Variants in DSCAM observed in about 807,000 individuals in gnomAD.
The protein encoded by DSCAM is cell adhesion molecule DSCAM.
In DSCAM, 47 loss-of-function variants were observed where a neutral mutation model predicts 217.7. The ratio of observed to expected loss-of-function variants is 0.22; its 90% CI spans 0.17 to 0.28. The LOEUF (loss-of-function observed/expected upper bound fraction) is 0.28, where lower values mean the gene tolerates loss of function less well. Ranked by LOEUF, DSCAM falls within the 10% of genes least tolerant of loss-of-function variation. The pLI, the probability that DSCAM is intolerant of heterozygous loss-of-function variation, is 1.00. For synonymous variants in DSCAM, 1,056 were observed against 1,015.3 expected (o/e 1.04, Z -0.76); for missense variants, 2,080 against 2,618.3 (o/e 0.79, Z 4.49).
chr21:40,489,787 A>G (rs867794170), intron 3 of DSCAM, among the ~76,000 whole-genome samples: 3,083 of 149,700 alleles, frequency 0.021, 147 homozygotes, highest in African/African-American at 0.067. Context: ...AAAAAAAAAA[A>G]AAAAAAAAAA....
At chr21:40,267,031 G>T (rs2123348347) in intron 11 of DSCAM, among the ~76,000 whole-genome samples, 1 of 146,320 alleles carries the variant, frequency 6.8e-6, no homozygotes, top group East Asian at 2.1e-4. Context: ...CAGAAGTGGG[G>T]AGGGTGGGAG....
intron 5 of DSCAM, among the ~76,000 whole-genome samples, chr21:40,352,978 A>G (rs1288186036): frequency 6.6e-6 from 1 of 152,204 alleles, no homozygotes; most frequent in South Asian, 2.1e-4. Flanking sequence ...ATATTTGGGT[A>G]TGTTTGAGCC....
At chr21:40,410,889 A>G (rs1041978330) in intron 3 of DSCAM, among the ~76,000 whole-genome samples, 1 of 152,208 alleles carries the variant, frequency 6.6e-6, no homozygotes, top group Non-Finnish European at 1.5e-5. Context: ...AGAAAAGAAC[A>G]TCAGAAAAAA....
At chr21:40,317,458 T>C (rs1488031448) in intron 8 of DSCAM, among the ~76,000 whole-genome samples, 2 of 152,150 alleles carry the variant, frequency 1.3e-5, no homozygotes, top group Non-Finnish European at 2.9e-5. Context: ...GGGCAGGAGA[T>C]CTATCAAGTT....
At chr21:40,250,266 C>A (rs1227099939) in intron 11 of DSCAM, among the ~76,000 whole-genome samples, 1 of 152,178 alleles carries the variant, frequency 6.6e-6, no homozygotes, top group East Asian at 1.9e-4. Context: ...CTCTGAAAAA[C>A]TTCTACATGG....
At chr21:40,539,143 G>C (rs1372460574) in intron 3 of DSCAM, among the ~76,000 whole-genome samples, 2 of 152,128 alleles carry the variant, frequency 1.3e-5, no homozygotes, top group Non-Finnish European at 2.9e-5. Flanking sequence ...TGGGGAGGCC[G>C]AGAGGGCCCA....
chr21:40,588,606 A>C (rs1368900528), intron 3 of DSCAM, among the ~76,000 whole-genome samples: 1 of 152,236 alleles, frequency 6.6e-6, no homozygotes, highest in East Asian at 1.9e-4. Context: ...AGTGATGGAT[A>C]AAAATGGTTG....
chr21:40,502,464 C>A (rs964777704), intron 3 of DSCAM, among the ~76,000 whole-genome samples: 2 of 152,156 alleles, frequency 1.3e-5, no homozygotes, highest in Non-Finnish European at 2.9e-5. Context: ...CAAAATGGGT[C>A]AAGCTGGGCT....
At chr21:40,229,633 T>C (rs1468886093) in intron 11 of DSCAM, among the ~76,000 whole-genome samples, 2 of 152,242 alleles carry the variant, frequency 1.3e-5, no homozygotes, top group Non-Finnish European at 2.9e-5. Flanking sequence ...GACTGGCTTC[T>C]TTCCCTTAAT....
intron 1 of DSCAM, among the ~76,000 whole-genome samples, chr21:40,780,421 G>GTATATATATATATATATATATATATA (rs1490666344): frequency 6.0e-4 from 29 of 48,016 alleles, no homozygotes; most frequent in African/African-American, 1.5e-3. Flanking sequence ...GTGTGTGTGT[G>GTATATATATATATATATATATATATA]TGTATATATA....
chr21:40,254,208 G>C (rs1245484803), intron 11 of DSCAM, among the ~76,000 whole-genome samples: 1 of 152,144 alleles, frequency 6.6e-6, no homozygotes, highest in Non-Finnish European at 1.5e-5. Flanking sequence ...AAATGACAGA[G>C]CCTTTGTTTT....
chr21:40,758,626 G>T (rs1021867110), intron 1 of DSCAM, among the ~76,000 whole-genome samples: 5 of 152,108 alleles, frequency 3.3e-5, no homozygotes, highest in African/African-American at 9.7e-5. Context: ...ATTTTGGGGG[G>T]TCTATTTATG....
chr21:40,780,413 G>GTA (rs1196794146), intron 1 of DSCAM, among the ~76,000 whole-genome samples: 8 of 45,114 alleles, frequency 1.8e-4, no homozygotes, highest in Admixed American at 1.2e-3. Context: ...GTGTGTGTGT[G>GTA]TGTGTGTGTG....
At chr21:40,179,372 G>C (rs73230320) in intron 14 of DSCAM, among the ~76,000 whole-genome samples, 51,102 of 151,898 alleles carry the variant, frequency 0.34, 8,726 homozygotes, top group South Asian at 0.39. Context: ...AGGGGTGATG[G>C]AGGAAGCACA....
At chr21:40,443,853 C>G (rs1028911623) in intron 3 of DSCAM, among the ~76,000 whole-genome samples, 5 of 152,152 alleles carry the variant, frequency 3.3e-5, no homozygotes, top group African/African-American at 1.2e-4. Context: ...TACAGCAGCT[C>G]TACATCATAT....
chr21:40,039,230 G>A lies in DSCAM; in HGVS notation c.5686+3141C>T, dbSNP rs557030690. On this transcript the variant is annotated intron_variant, in intron 32 of 32. Coordinates refer to ENST00000400454, the MANE Select transcript of DSCAM (RefSeq NM_001389.5). The stretch of plus-strand genomic sequence containing the variant: ...AAAACTAAAGTCTAACAGGGGAAAC[G>A]TGTCAGAAAAAAATACCAATGTAGG... 9.0e-4 allele frequency among the ~76,000 whole-genome samples: 137 copies of A among 151,778 alleles called. 1 individual carries two copies. The highest frequency in any genetic ancestry group is 6.8e-3 in the Middle Eastern group (2 of 294).
rs535509192 is a variant in DSCAM at position 40,157,206 on chromosome 21, C to T, written c.3018+10012G>A. 5.9e-5 allele frequency among the ~76,000 whole-genome samples: 9 copies of T among 152,344 alleles called. No individual in the cohort carries two copies. The South Asian group carries it at 1.4e-3, about 25-fold the overall frequency. On this transcript the variant is annotated intron_variant, in intron 16 of 32. Coordinates refer to ENST00000400454, the MANE Select transcript of DSCAM (RefSeq NM_001389.5). ...GATCCCAGCTGTCTTCACTCATCCA[C>T]GCATGGACTGCAGCTGTGCCTATGC...
chr21:40,115,276 A>T (rs2089955682), intron 20 of DSCAM, among the ~76,000 whole-genome samples: 1 of 152,154 alleles, frequency 6.6e-6, no homozygotes, highest in Non-Finnish European at 1.5e-5. Context: ...GACATGGAAG[A>T]AGCTGGAAAC....
chr21:40,639,136 G>A (rs538991354), intron 3 of DSCAM, among the ~76,000 whole-genome samples: 50 of 150,976 alleles, frequency 3.3e-4, no homozygotes, highest in African/African-American at 1.2e-3. Context: ...GGTCCATTTT[G>A]GTCCATTTTG....
Sources: allele counts gnomAD v4.1 joint callset (sites outside exome capture counted in the v4.1 genomes callset), GRCh38; gene constraint gnomAD v4.1.1; transcripts MANE v1.5; gene names NCBI Gene and HGNC (gene_info 2026-07-23, HGNC 2026-07-21).